Variants in GSG1L2 observed in about 807,000 individuals in gnomAD.
The protein encoded by GSG1L2 is GSG1 like 2.
In GSG1L2, 15 loss-of-function variants were observed where a neutral mutation model predicts 9.0. That is an observed-to-expected ratio of 1.67 (90% CI 1.12 to 2.57). GSG1L2 has a LOEUF of 2.57. GSG1L2 is among the 30% of genes most tolerant of loss of function. The pLI is 0.00. For synonymous variants in GSG1L2, 127 were observed against 57.9 expected (o/e 2.19, Z -5.41); for missense variants, 286 against 150.3 (o/e 1.90, Z -4.72).
intron 1 of GSG1L2, among the ~76,000 whole-genome samples, chr17:9,814,712 G>A (rs888404772): frequency 3.3e-5 from 5 of 152,136 alleles, no homozygotes; most frequent in Admixed American, 2.0e-4. Context: ...GTTACATAGC[G>A]TGTGTGCTTC....
In GSG1L2 at chr17:9,802,640, C is replaced by G; in HGVS notation, c.628G>C (p.Ala210Pro). ...TWDYGWSYCL[A>P]WGSFALCLAV... ...AGGCAGAGGGCGAAAGAACCCCAGG[C>G]AAGGCTGTCAACAGAAGGCACCGTT... Residue 210 changes from alanine to proline, a missense_variant, in exon 5 of 5, where the codon GCC becomes CCC. Ala to Pro is a conservative substitution (Grantham distance 27, BLOSUM62 -1). Coordinates refer to ENST00000399363, the MANE Select transcript of GSG1L2 (RefSeq NM_001310219.2). The G allele has an allele frequency of 5.7e-6, 4 of 702,768 alleles. No individual in the cohort carries two copies. Among genetic ancestry groups the G allele is most frequent in the Non-Finnish European group, 7.8e-6 (3 of 384,914 alleles). The allele number at this position is 702,768 out of a possible 1,614,324, so 43.5% of individuals were successfully genotyped here. A position where few individuals can be genotyped will look rare whatever the true frequency, so the allele number is the denominator to read the frequency against.
chr17:9,807,799 T>C, intron 3 of GSG1L2, 198 bp from the exon 4 acceptor site: 1 of 531,072 alleles, frequency 1.9e-6, no homozygotes, highest in Non-Finnish European at 3.4e-6. Flanking sequence ...AAAGACACAA[T>C]CGGGGAGGAC....
chr17:9,815,315 C>A (rs573517410), intron 1 of GSG1L2, among the ~76,000 whole-genome samples: 1 of 152,022 alleles, frequency 6.6e-6, no homozygotes, highest in African/African-American at 2.4e-5. Context: ...GCTTGAACCC[C>A]GGAGGCAGGG....
At chr17:9,804,341 C>T (rs2066509428) in intron 4 of GSG1L2, 1 of 152,236 alleles carries the variant, frequency 6.6e-6, no homozygotes, top group Non-Finnish European at 1.5e-5. Context: ...ACACTCCATC[C>T]CACCTCCCTT....
chr17:9,812,445 C>T (rs1367047074), intron 1 of GSG1L2, among the ~76,000 whole-genome samples: 1 of 152,062 alleles, frequency 6.6e-6, no homozygotes, highest in East Asian at 1.9e-4. Flanking sequence ...CCAGCACCAC[C>T]CAGCATTCAC....
intron 4 of GSG1L2, among the ~76,000 whole-genome samples, chr17:9,802,997 T>A (rs2066503064): frequency 6.6e-6 from 1 of 152,098 alleles, no homozygotes; most frequent in Non-Finnish European, 1.5e-5. Flanking sequence ...AGTGAGTGAA[T>A]GCGTGGGAAG....
At chr17:9,806,845 C>A (rs761494467) in intron 4 of GSG1L2, among the ~76,000 whole-genome samples, 2 of 152,198 alleles carry the variant, frequency 1.3e-5, no homozygotes, top group Non-Finnish European at 2.9e-5. Context: ...CAGACTCTAA[C>A]AACTCACGAA....
At chr17:9,808,748 T>C in intron 3 of GSG1L2, 82 bp downstream of exon 3, 1 of 662,182 alleles carries the variant, frequency 1.5e-6, no homozygotes, top group South Asian at 1.6e-5. Flanking sequence ...AGCCAGCCTG[T>C]TCTTTGGTAA....
chr17:9,821,921 G>A lies in GSG1L2; in HGVS notation c.151C>T (p.His51Tyr). ...PLCQDQPGGQ[H>Y]CIHFKRDNSS... Reference sequence around the variant, plus strand: ...TTGTCCCGTTTGAAGTGAATGCAGTGCTGCCCTCCCGGCTGGTCCTGGCAC... The same window carrying A: ...TTGTCCCGTTTGAAGTGAATGCAGTACTGCCCTCCCGGCTGGTCCTGGCAC... The change falls in exon 1 of 5, where the codon CAC becomes TAC. Residue 51 changes from histidine to tyrosine, a missense_variant. Coordinates refer to ENST00000399363, the MANE Select transcript of GSG1L2 (RefSeq NM_001310219.2). 1.4e-6 allele frequency: 1 copy of A among 703,294 alleles called. No homozygotes were observed. Among genetic ancestry groups the A allele is most frequent in the Non-Finnish European group, 2.6e-6 (1 of 385,058 alleles). 43.6% of individuals were successfully genotyped at this position (703,294 alleles called of 1,614,324 possible).
In GSG1L2 at chr17:9,821,820, A is replaced by G; in HGVS notation, c.252T>C (p.Ile84=). 1 of 703,544 alleles carries G rather than the reference A, an allele frequency of 1.4e-6. No individual in the cohort carries two copies. The highest frequency in any genetic ancestry group is 2.7e-5 in the East Asian group (1 of 37,288). The allele number at this position is 703,544 out of a possible 1,614,324, so 43.6% of individuals were successfully genotyped here. A position where few individuals can be genotyped will look rare whatever the true frequency, so the allele number is the denominator to read the frequency against. ...YIWELGDDKF[I]QRGFHVGLWQ... ...AGAGCCCCACATGGAACCCCCGCTG[A>G]ATGAACTTGTCATCACCCAGCTCCC... Residue 84 remains isoleucine, a synonymous_variant, in exon 1 of 5, where the codon ATT becomes ATC. Coordinates refer to ENST00000399363, the MANE Select transcript of GSG1L2 (RefSeq NM_001310219.2).
At chr17:9,809,443 G>A (rs915731543) in intron 2 of GSG1L2, 2 of 173,804 alleles carry the variant, frequency 1.2e-5, no homozygotes, top group East Asian at 1.6e-4. Flanking sequence ...AGAGTGAAAG[G>A]ACGAACACTC....
chr17:9,814,954 C>T (rs989506455), intron 1 of GSG1L2, among the ~76,000 whole-genome samples: 10 of 152,190 alleles, frequency 6.6e-5, no homozygotes, highest in African/African-American at 2.4e-4. Context: ...AAGAACATTT[C>T]GCGTAAGTGC....
intron 2 of GSG1L2, chr17:9,809,574 C>T (rs557824724): frequency 1.8e-3 from 277 of 157,648 alleles, no homozygotes; most frequent in Admixed American, 3.3e-3. Flanking sequence ...TTTTCCAGTC[C>T]TCCCCGCTAT....
rs2066590959 is a variant in GSG1L2 at position 9,821,792 on chromosome 17, G to T, written c.280C>A (p.Gln94Lys). ...IQRGFHVGLW[Q>K]SCEESLNGED... ...CCGTTGAGGCTCTCCTCGCAGGACTGCCAGAGCCCCACATGGAACCCCCGC... is the reference window on the plus strand; with the variant it reads ...CCGTTGAGGCTCTCCTCGCAGGACTTCCAGAGCCCCACATGGAACCCCCGC... The change falls in exon 1 of 5, where the codon CAG becomes AAG. Residue 94 changes from glutamine (Q) to lysine (K), a missense_variant. By Grantham distance (53) the Gln-to-Lys change is moderately conservative (BLOSUM62 1). Transcript: ENST00000399363. 1 of 703,352 alleles carries T rather than the reference G, an allele frequency of 1.4e-6. No individual in the cohort carries two copies. Among genetic ancestry groups the T allele is most frequent in the African/African-American group, 1.7e-5 (1 of 57,266 alleles). 43.6% of individuals were successfully genotyped at this position (703,352 alleles called of 1,614,324 possible).
At chr17:9,816,566 A>ATCTGTG (rs1197270973) in intron 1 of GSG1L2, among the ~76,000 whole-genome samples, 3 of 78,064 alleles carry the variant, frequency 3.8e-5, no homozygotes, top group Non-Finnish European at 6.6e-5. Context: ...GTGCATGCAT[A>ATCTGTG]TCTGTGTCTG....
intron 1 of GSG1L2, among the ~76,000 whole-genome samples, chr17:9,811,668 C>T (rs542632907): frequency 6.6e-6 from 1 of 152,290 alleles, no homozygotes; most frequent in South Asian, 2.1e-4. Context: ...GTGGGAGGAG[C>T]CTGGGAAATC....
intron 4 of GSG1L2, 116 bp downstream of exon 4, chr17:9,807,374 A>C: frequency 1.5e-6 from 1 of 655,810 alleles, no homozygotes; most frequent in Non-Finnish European, 2.8e-6. Flanking sequence ...CCAAAGTCAC[A>C]ATACTGGCAG....
At chr17:9,814,101 A>G (rs2066550234) in intron 1 of GSG1L2, among the ~76,000 whole-genome samples, 1 of 151,948 alleles carries the variant, frequency 6.6e-6, no homozygotes, top group African/African-American at 2.4e-5. Context: ...TGCCCAGCTA[A>G]TTTTTTGTAT....
At chr17:9,815,182 T>C (rs1385309273) in intron 1 of GSG1L2, among the ~76,000 whole-genome samples, 1 of 152,034 alleles carries the variant, frequency 6.6e-6, no homozygotes, top group Non-Finnish European at 1.5e-5. Context: ...AGTCAGGAGA[T>C]GGAGACCATA....
Sources: gnomAD v4.1 joint callset for allele counts (sites outside exome capture counted in the v4.1 genomes callset) on GRCh38, gnomAD v4.1.1 for gene constraint, MANE v1.5 for transcripts, NCBI Gene and HGNC (gene_info 2026-07-23, HGNC 2026-07-21) for gene names.